Variants in SESTD1 observed in about 807,000 individuals in gnomAD.
SESTD1 encodes SEC14 domain and spectrin repeat-containing protein 1.
Under a neutral mutation model 101.7 loss-of-function variants are expected in SESTD1, and 43 were observed. The observed-to-expected ratio is 0.42, with a 90% CI of 0.33 to 0.55. The LOEUF (loss-of-function observed/expected upper bound fraction) is 0.55. SESTD1 is among the 20% of genes least tolerant of loss of function. The probability of loss-of-function intolerance (pLI) is 0.07; values close to 1 mark genes in which losing one functional copy is unlikely to be tolerated. For missense variants in SESTD1, 647 were observed against 815.1 expected, an observed-to-expected ratio of 0.79 and a Z score of 2.51; for synonymous variants, 283 against 286.8, an observed-to-expected ratio of 0.99 and a Z score of 0.13.
chr2:179,128,591 T>G (rs2044933218), intron 10 of SESTD1, among the ~76,000 whole-genome samples: 1 of 151,834 alleles, frequency 6.6e-6, no homozygotes, highest in Non-Finnish European at 1.5e-5. Flanking sequence ...TAGCTGGGTG[T>G]GGTGGCGCAT....
chr2:179,230,665 A>G (rs2046974594), intron 1 of SESTD1, among the ~76,000 whole-genome samples: 1 of 152,114 alleles, frequency 6.6e-6, no homozygotes, highest in Non-Finnish European at 1.5e-5. Context: ...TAATCACAGG[A>G]ACAGTTGGTA....
intron 1 of SESTD1, among the ~76,000 whole-genome samples, chr2:179,212,974 C>A (rs2046670932): frequency 7.4e-6 from 1 of 134,692 alleles, no homozygotes; most frequent in Non-Finnish European, 1.6e-5. Flanking sequence ...GACATCTACA[C>A]CAAAACTCCA....
intron 1 of SESTD1, among the ~76,000 whole-genome samples, chr2:179,195,104 T>A (rs2046369818): frequency 6.6e-6 from 1 of 152,212 alleles, no homozygotes; most frequent in African/African-American, 2.4e-5. Flanking sequence ...TAAGGACACT[T>A]CTCCAAGTAA....
intron 1 of SESTD1, among the ~76,000 whole-genome samples, chr2:179,196,391 C>T (rs1462002465): frequency 6.6e-6 from 1 of 152,222 alleles, no homozygotes; most frequent in Admixed American, 6.5e-5. Context: ...GGGGCGCCAG[C>T]CATTGCCCAG....
chr2:179,235,113 A>C (rs1185671026), intron 1 of SESTD1, among the ~76,000 whole-genome samples: 1 of 152,186 alleles, frequency 6.6e-6, no homozygotes, highest in East Asian at 1.9e-4. Context: ...GGAAATTAGG[A>C]AATACTGCAA....
chr2:179,175,295 C>T (rs1242432668), intron 4 of SESTD1, among the ~76,000 whole-genome samples: 1 of 152,168 alleles, frequency 6.6e-6, no homozygotes, highest in Non-Finnish European at 1.5e-5. Context: ...GTTCCTATCC[C>T]TTGAATCCCT....
intron 15 of SESTD1, 87 bp from the exon 16 acceptor site, chr2:179,115,343 G>A (rs2044479): frequency 0.5 from 490,408 of 979,308 alleles, 128,025 homozygotes; most frequent in African/African-American, 0.84. Context: ...TGTCGTTACA[G>A]TTAAGTGACA....
At chr2:179,169,986 A>C (rs1204357839) in intron 5 of SESTD1, among the ~76,000 whole-genome samples, 5 of 152,054 alleles carry the variant, frequency 3.3e-5, no homozygotes, top group East Asian at 3.9e-4. Flanking sequence ...AAAAAAAAAA[A>C]AAAAACCTGA....
In SESTD1 at chr2:179,176,556, T is replaced by A; in HGVS notation, c.165-18A>T. The A allele has an allele frequency of 6.3e-7, 1 of 1,597,576 alleles. No homozygotes were observed. Among genetic ancestry groups the A allele is most frequent in the Non-Finnish European group, 8.6e-7 (1 of 1,168,416 alleles). On this transcript the variant is annotated intron_variant, in intron 3 of 17. Coordinates refer to ENST00000428443, the MANE Select transcript of SESTD1 (RefSeq NM_178123.5). ...ACTTCTCACTGAAACAAAATAAAAT[T>A]ACAAAGCATTAAAACAAGCTCCAGA...
At chr2:179,227,063 G>T (rs2046897706) in intron 1 of SESTD1, among the ~76,000 whole-genome samples, 1 of 152,190 alleles carries the variant, frequency 6.6e-6, no homozygotes, top group East Asian at 1.9e-4. Flanking sequence ...TGGCCCATTA[G>T]GATTATGAAT....
chr2:179,239,540 G>A (rs2047118972), intron 1 of SESTD1, among the ~76,000 whole-genome samples: 1 of 152,124 alleles, frequency 6.6e-6, no homozygotes, highest in African/African-American at 2.4e-5. Flanking sequence ...TTAGAATCAT[G>A]TGGGGAGCTT....
intron 5 of SESTD1, among the ~76,000 whole-genome samples, chr2:179,166,648 A>G (rs1045512879): frequency 2.0e-5 from 3 of 152,208 alleles, no homozygotes; most frequent in Non-Finnish European, 4.4e-5. Context: ...ATAACAAGGA[A>G]CAGCAGCCTA....
intron 7 of SESTD1, among the ~76,000 whole-genome samples, chr2:179,148,825 C>T (rs2045448386): frequency 6.6e-6 from 1 of 151,976 alleles, no homozygotes; most frequent in Non-Finnish European, 1.5e-5. Flanking sequence ...CTTTGGGAGG[C>T]CGAGACGGGC....
chr2:179,246,603 AT>A (rs2047235195), intron 1 of SESTD1, among the ~76,000 whole-genome samples: 1 of 152,224 alleles, frequency 6.6e-6, no homozygotes, highest in South Asian at 2.1e-4. Context: ...TCTAATCAAC[AT>A]TTATAAAACA....
rs1314616567 is a variant in SESTD1, at chr2:179,124,399, G to A, written c.1132C>T (p.Gln378Ter). 2.5e-6 allele frequency: 4 copies of A among 1,614,098 alleles called. No homozygotes were observed. Among genetic ancestry groups the A allele is most frequent in the Non-Finnish European group, 1.7e-6 (2 of 1,179,980 alleles). The change falls in exon 11 of 18, where the codon CAA becomes TAA. Residue 378 changes from glutamine to a stop codon, truncating the protein, a stop_gained. Coordinates refer to ENST00000428443, the MANE Select transcript of SESTD1 (RefSeq NM_178123.5). LOFTEE classifies it high-confidence loss of function. ...SQLEFRQNLL[Q>*]AALEFHGVAQ... ...ACACCATGAAATTCAAGAGCTGCTT[G>A]TAAGAGATTTTGCCTAAATTCCAGC...
chr2:179,191,795 A>C lies in SESTD1; in HGVS notation c.47T>G (p.Phe16Cys). 1.9e-6 allele frequency: 3 copies of C among 1,612,410 alleles called. No homozygotes were observed. The highest frequency in any genetic ancestry group is 2.5e-6 in the Non-Finnish European group (3 of 1,179,042). The change falls in exon 2 of 18, where the codon TTC (phenylalanine) becomes TGC (cysteine). Residue 16 changes from phenylalanine (F) to cysteine (C), a missense_variant. Physicochemically the swap from Phe to Cys is radical, Grantham distance 205 (BLOSUM62 -2). This residue lies in a region of SESTD1 where 168 missense variants were observed against 235.1 expected (regional missense o/e 0.71). Coordinates refer to ENST00000428443, the MANE Select transcript of SESTD1 (RefSeq NM_178123.5). ...TTAAGAAGAAATCATACCTGAAAGG[A>C]AGGCTAGTTTTTTCTTCAGAATGGG... The part of the protein sequence containing the change: ...ILPILKKKLA[F>C]LSGGKDRRSG...
At chr2:179,200,117 C>T (rs1431405794) in intron 1 of SESTD1, among the ~76,000 whole-genome samples, 1 of 152,118 alleles carries the variant, frequency 6.6e-6, no homozygotes, top group Non-Finnish European at 1.5e-5. Context: ...CACAAGCATT[C>T]TTATACACCA....
chr2:179,105,177 GT>G lies in SESTD1; in HGVS notation c.*4721del, dbSNP rs35475379. 47,314 of 137,616 alleles carry G rather than the reference GT, an allele frequency of 0.34. 9,434 individuals carry two copies. The highest frequency in any genetic ancestry group is 0.59 in the African/African-American group (22,669 of 38,310). 8.5% of individuals were successfully genotyped at this position (137,616 alleles called of 1,614,324 possible). ...TTGTGGTCTTTTCATGCTTTGTTCT[GT>G]TTTTTTTTTTTTTTTAACCTCATTA... is the stretch of plus-strand genomic sequence containing the variant. On this transcript the variant is annotated 3_prime_UTR_variant, in exon 18 of 18. Coordinates refer to ENST00000428443, the MANE Select transcript of SESTD1 (RefSeq NM_178123.5).
intron 9 of SESTD1, 140 bp downstream of exon 9, chr2:179,143,452 A>G: frequency 1.6e-6 from 1 of 627,876 alleles, no homozygotes; most frequent in Non-Finnish European, 2.6e-6. Flanking sequence ...GTAAAACAAT[A>G]CATAATTTAA....
Sources: allele counts gnomAD v4.1 joint callset (sites outside exome capture counted in the v4.1 genomes callset), GRCh38; gene constraint gnomAD v4.1.1; regional missense constraint gnomAD v4.1.1; transcripts MANE v1.5; gene names NCBI Gene and HGNC (gene_info 2026-07-23, HGNC 2026-07-21).